Variants in SIN3B observed in about 807,000 individuals in gnomAD.
SIN3B encodes SIN3 transcription regulator family member B, also known as paired amphipathic helix protein Sin3b.
A neutral mutation model predicts 120.2 loss-of-function variants in SIN3B; 19 were observed. The ratio of observed to expected loss-of-function variants is 0.16; its 90% confidence interval spans 0.11 to 0.23. SIN3B has a LOEUF of 0.23. SIN3B is among the 10% of genes least tolerant of loss of function. The pLI, the probability that SIN3B is intolerant of heterozygous loss-of-function variation, is 1.00. For missense variants in SIN3B, 1,073 were observed against 1,573.0 expected (o/e 0.68, Z 5.38); for synonymous variants, 654 against 653.2 (o/e 1.00, Z -0.02).
At chr19:16,858,322 C>T (rs766793784) in intron 8 of SIN3B, among the ~76,000 whole-genome samples, 2 of 152,102 alleles carry the variant, frequency 1.3e-5, no homozygotes, top group Non-Finnish European at 1.5e-5. Context: ...CAGGTTTGCT[C>T]ATTCATTTGG....
chr19:16,868,782 G>A (rs557500859), intron 12 of SIN3B, among the ~76,000 whole-genome samples: 77 of 152,288 alleles, frequency 5.1e-4, no homozygotes, highest in African/African-American at 1.8e-3. Context: ...GAGGAGAGTG[G>A]TTGGAGCAGG....
rs1971583487 is a variant in SIN3B, at chr19:16,854,258, T to TGGGGTGA, written c.1057_1058+5dup. Reference sequence around the variant, plus strand: ...CTCCTGCAGCTCGTCAGCCCATTTCTGGGGTGAGCAGCTGACTTCCCAGGG... The same window carrying TGGGGTGA: ...CTCCTGCAGCTCGTCAGCCCATTTCTGGGGTGAGGGGTGAGCAGCTGACTTCCCAGGG... On this transcript the variant is annotated stop_gained and frameshift_variant, in exon 8 of 19. Transcript: ENST00000248054. LOFTEE classifies it high-confidence loss of function. 6.2e-7 allele frequency: 1 copy of TGGGGTGA among 1,608,306 alleles called. No homozygotes were observed. The highest frequency in any genetic ancestry group is 1.3e-5 in the African/African-American group (1 of 74,794).
intron 8 of SIN3B, among the ~76,000 whole-genome samples, chr19:16,861,142 G>A (rs1235956470): frequency 2.0e-5 from 3 of 152,170 alleles, no homozygotes; most frequent in African/African-American, 7.2e-5. Context: ...TGACTTTCAA[G>A]CTTGTGTCCA....
rs1442644121 is a variant in SIN3B, at chr19:16,855,914, G to A, written c.1058+1653G>A. ...CTACCAAAAAATATAAAAATTCGCC[G>A]GGGGTGGTGGCACACGCCTGTTGTC... On this transcript the variant is annotated intron_variant, in intron 8 of 18. Transcript: ENST00000248054. Among the ~76,000 whole-genome samples, 6 of 151,978 alleles carry A rather than the reference G, an allele frequency of 3.9e-5. No individual in the cohort carries two copies. The East Asian group carries it at 7.8e-4, about 20-fold the overall frequency.
Position 16,862,892 on chromosome 19 carries a change from T to C in SIN3B, c.1266+333T>C, listed in dbSNP as rs541017378. 52 of 1,613,836 alleles carry C rather than the reference T, an allele frequency of 3.2e-5. No individual in the cohort carries two copies. Among genetic ancestry groups the C allele is most frequent in the Admixed American group, 1.5e-4 (9 of 60,010 alleles). On this transcript the variant is annotated intron_variant, in intron 9 of 18. Coordinates refer to ENST00000248054, the MANE Select transcript of SIN3B (RefSeq NM_001297595.2). This position sits in a 1 kb window ranked among gnomAD's most constrained non-coding sequence, Gnocchi z 4.7. ...AGTGTGTTTCTGTTTAGCTTGACCA[T>C]TGGACACTTCTCCAGGGTTCGTGGA...
At chr19:16,870,241 G>A (rs190813513) in intron 13 of SIN3B, among the ~76,000 whole-genome samples, 166 bp downstream of exon 13, 17 of 152,352 alleles carry the variant, frequency 1.1e-4, no homozygotes, top group Admixed American at 9.8e-4. Flanking sequence ...GCATAAGACA[G>A]AGGTCTCACG....
At chr19:16,852,660 C>T (rs1002243150) in intron 6 of SIN3B, among the ~76,000 whole-genome samples, 1 of 152,174 alleles carries the variant, frequency 6.6e-6, no homozygotes, top group Admixed American at 6.6e-5. Context: ...CAAAAGCCTG[C>T]AGAGACTCAA....
chr19:16,876,904 G>C lies in SIN3B; in HGVS notation c.2859+326G>C. The C allele has an allele frequency of 1.0e-5, 3 of 292,726 alleles. No homozygotes were observed. The South Asian group carries it at 1.8e-4, about 17-fold the overall frequency. The allele number at this position is 292,726 out of a possible 1,614,324, so 18.1% of individuals were successfully genotyped here. On this transcript the variant is annotated intron_variant, in intron 16 of 18. Coordinates refer to ENST00000248054, the MANE Select transcript of SIN3B (RefSeq NM_001297595.2). This position sits in a 1 kb window ranked among gnomAD's most constrained non-coding sequence, Gnocchi z 7.1. The stretch of plus-strand genomic sequence containing the variant: ...CGTGGCTGTGACCTCTGCACCTCTT[G>C]TGTCAGGGCTGCATCCTGTTCCTAA...
intron 14 of SIN3B, among the ~76,000 whole-genome samples, chr19:16,874,747 C>G (rs549025072): frequency 1.4e-3 from 193 of 142,400 alleles, no homozygotes; most frequent in African/African-American, 4.8e-3. Flanking sequence ...TTGGTATGGT[C>G]TAATCTGGTC....
At chr19:16,846,943 T>C in intron 4 of SIN3B, 27 bp from the exon 5 acceptor site, 15 of 1,611,112 alleles carry the variant, frequency 9.3e-6, no homozygotes, top group Non-Finnish European at 1.2e-5. Context: ...ACTAACGACT[T>C]ATTTTCCCTT....
chr19:16,850,818 G>A (rs938850158), intron 5 of SIN3B, among the ~76,000 whole-genome samples: 23 of 152,212 alleles, frequency 1.5e-4, no homozygotes, highest in African/African-American at 4.8e-4. Context: ...CACCCTGCTC[G>A]GGACAAGCAT....
chr19:16,833,968 G>A (rs1028068070), intron 3 of SIN3B, among the ~76,000 whole-genome samples: 5 of 151,894 alleles, frequency 3.3e-5, no homozygotes, highest in Admixed American at 2.0e-4. Context: ...CCCGTGATTC[G>A]CCCACCTCTG....
At chr19:16,870,356 A>G (rs1250764727) in intron 13 of SIN3B, among the ~76,000 whole-genome samples, 5 of 150,314 alleles carry the variant, frequency 3.3e-5, no homozygotes, top group African/African-American at 1.2e-4. Context: ...TGGAGCCGTC[A>G]TGGCCCAGCT....
chr19:16,853,283 C>G, intron 7 of SIN3B, 125 bp downstream of exon 7: 1 of 825,014 alleles, frequency 1.2e-6, no homozygotes, highest in Non-Finnish European at 2.0e-6. Context: ...GAGGATGGAT[C>G]CGGCGGGGCT....
chr19:16,877,497 T>C (rs2051624248), intron 16 of SIN3B, 48 bp from the exon 17 acceptor site: 1 of 1,386,698 alleles, frequency 7.2e-7, no homozygotes, highest in South Asian at 1.2e-5. Flanking sequence ...AGAGTGGCCA[T>C]AGCCCTGCTG....
chr19:16,829,891 G>C lies in SIN3B; in HGVS notation c.221G>C (p.Ser74Thr), dbSNP rs1971257377. Residue 74 changes from serine (S) to threonine (T), a missense_variant, in exon 2 of 19, where the codon AGC becomes ACC. Around this residue, in one of 7 missense-constraint regions of SIN3B, gnomAD observed 395 missense variants for 528.0 expected, o/e 0.75. Coordinates refer to ENST00000248054, the MANE Select transcript of SIN3B (RefSeq NM_001297595.2). ...GFLEIMKEFK[S>T]QSIDTPGVIR... ...CTGGAGATCATGAAGGAGTTCAAAA[G>C]CCAGAGGTACCAGCGGGGCCCCTCT... The C allele has an allele frequency of 1.9e-6, 3 of 1,612,712 alleles. No individual in the cohort carries two copies. Among genetic ancestry groups the C allele is most frequent in the Non-Finnish European group, 2.5e-6 (3 of 1,178,942 alleles).
chr19:16,832,235 T>C (rs1971288325), intron 3 of SIN3B, among the ~76,000 whole-genome samples: 4 of 148,488 alleles, frequency 2.7e-5, no homozygotes. Flanking sequence ...TCTGGCTCTG[T>C]CACCCAGGCT....
intron 4 of SIN3B, among the ~76,000 whole-genome samples, chr19:16,845,312 A>G (rs566091034): frequency 3.4e-4 from 52 of 152,156 alleles, no homozygotes; most frequent in African/African-American, 1.2e-3. Flanking sequence ...AGTCTCTTTC[A>G]CCCAGGCTGG....
chr19:16,866,673 G>A (rs1316921321), intron 12 of SIN3B, 117 bp downstream of exon 12: 2 of 1,020,968 alleles, frequency 2.0e-6, no homozygotes, highest in East Asian at 2.6e-5. Context: ...TGCCCTTTCA[G>A]GGCTGTGTTG....
Sources: allele counts gnomAD v4.1 joint callset (sites outside exome capture counted in the v4.1 genomes callset), GRCh38; gene constraint gnomAD v4.1.1; regional missense constraint gnomAD v4.1.1; non-coding constraint Gnocchi (gnomAD v3.1); transcripts MANE v1.5; gene names NCBI Gene and HGNC (gene_info 2026-07-23, HGNC 2026-07-21).